The following WARS1 variants were observed in gnomAD, a reference collection of about 807,000 sequenced individuals.
The protein encoded by WARS1 is tryptophanyl-tRNA synthetase 1, also known as tryptophan--tRNA ligase, cytoplasmic.
A neutral mutation model predicts 47.8 loss-of-function variants in WARS1; 17 were observed. That is an observed-to-expected ratio of 0.36 (90% CI 0.24 to 0.53). WARS1 has a LOEUF of 0.53. WARS1 is among the 20% of genes least tolerant of loss of function. WARS1 has a pLI of 0.91. For missense variants in WARS1, 434 were observed against 608.0 expected (o/e 0.71, Z 3.01); for synonymous variants, 208 against 228.1 (o/e 0.91, Z 0.79).
At position 100,362,533 on chromosome 14, in the gene WARS1, G is replaced by GAA. The variant is rs112297906; in HGVS notation, c.100-614_100-613dup. ...TTTTGGAGTCTTATCAAACTATCTT[G>GAA]AAAAAAAAAAAACAAAGGTAAAATG... On this transcript the variant is annotated intron_variant, in intron 2 of 10. Coordinates refer to ENST00000392882, the MANE Select transcript of WARS1 (RefSeq NM_004184.4). Among the ~76,000 whole-genome samples the GAA allele has an allele frequency of 9.1e-3, 1,285 of 140,742 alleles. 19 individuals carry two copies. Among genetic ancestry groups the GAA allele is most frequent in the African/African-American group, 0.032 (1,222 of 38,686 alleles). 92.3% of individuals were successfully genotyped at this position (140,742 alleles called of 152,430 possible).
At chr14:100,365,894 G>A (rs950133473) in intron 2 of WARS1, 2 of 389,646 alleles carry the variant, frequency 5.1e-6, no homozygotes, top group African/African-American at 2.1e-5. Flanking sequence ...GAAGGTGACC[G>A]AGTGTACACT....
intron 2 of WARS1, among the ~76,000 whole-genome samples, chr14:100,364,078 G>T (rs1895810709): frequency 1.3e-5 from 2 of 152,174 alleles, no homozygotes; most frequent in African/African-American, 4.8e-5. Flanking sequence ...GTTGATTTGG[G>T]TGCTGGTTAC....
upstream of WARS1, chr14:100,376,237 C>A (rs1317453491): frequency 1.8e-5 from 8 of 432,928 alleles, no homozygotes; most frequent in Non-Finnish European, 2.9e-5. Flanking sequence ...TCACTCCGCC[C>A]CGGCCTTACT....
chr14:100,366,762 G>A, intron 2 of WARS1: 3 of 981,360 alleles, frequency 3.1e-6, no homozygotes, highest in South Asian at 2.5e-5. Context: ...GATCCGTGGG[G>A]CCACAATGAA....
intron 7 of WARS1, among the ~76,000 whole-genome samples, chr14:100,344,945 G>A (rs1288421435): frequency 6.6e-6 from 1 of 151,796 alleles, no homozygotes; most frequent in Admixed American, 6.6e-5. Flanking sequence ...CGTCCTGGAG[G>A]GAGGTGGGGG....
intron 1 of WARS1, among the ~76,000 whole-genome samples, chr14:100,372,631 T>C (rs536565936): frequency 1.0e-3 from 155 of 152,304 alleles, no homozygotes; most frequent in African/African-American, 3.4e-3. Flanking sequence ...AAGGTCTCTG[T>C]CCATATCAAA....
chr14:100,342,338 G>T, intron 9 of WARS1, 60 bp downstream of exon 9: 1 of 1,599,866 alleles, frequency 6.3e-7, no homozygotes, highest in Non-Finnish European at 8.6e-7. Context: ...GTGTGTGCGT[G>T]TGCCCCCCAG....
chr14:100,351,404 C>A (rs902915499), intron 6 of WARS1, among the ~76,000 whole-genome samples: 1 of 150,676 alleles, frequency 6.6e-6, no homozygotes, highest in Non-Finnish European at 1.5e-5. Flanking sequence ...GTAATCGCAG[C>A]ACTTTGGGAG....
At chr14:100,362,668 C>T (rs75407108) in intron 2 of WARS1, among the ~76,000 whole-genome samples, 27 of 152,314 alleles carry the variant, frequency 1.8e-4, no homozygotes, top group African/African-American at 6.5e-4. Flanking sequence ...GCTGATTAGT[C>T]ATGCTATGCC....
chr14:100,364,493 T>C (rs1360469450), intron 2 of WARS1, among the ~76,000 whole-genome samples: 1 of 152,244 alleles, frequency 6.6e-6, no homozygotes, highest in Non-Finnish European at 1.5e-5. Context: ...CACACTATTT[T>C]GCTAAAAGTT....
At chr14:100,345,760 C>T (rs537233267) in intron 7 of WARS1, among the ~76,000 whole-genome samples, 3 of 152,300 alleles carry the variant, frequency 2.0e-5, no homozygotes, top group South Asian at 4.1e-4. Flanking sequence ...TTATTACTGT[C>T]ATTAGTATTT....
In WARS1 at chr14:100,334,754, A is replaced by G; in HGVS notation, c.*121T>C. Reference sequence around the variant, plus strand: ...ATTGATAACATACACAGGCTTACAGAGGCCAGGCCCAGTAATTACCATGAG... The same window carrying G: ...ATTGATAACATACACAGGCTTACAGGGGCCAGGCCCAGTAATTACCATGAG... On this transcript the variant is annotated 3_prime_UTR_variant, in exon 11 of 11. Transcript: ENST00000392882. 1.7e-6 allele frequency: 2 copies of G among 1,160,864 alleles called. No individual in the cohort carries two copies. Among genetic ancestry groups the G allele is most frequent in the East Asian group, 2.4e-5 (1 of 42,138 alleles). 71.9% of individuals were successfully genotyped at this position (1,160,864 alleles called of 1,614,324 possible). A position where few individuals can be genotyped will look rare whatever the true frequency, so the allele number is the denominator to read the frequency against.
At chr14:100,368,043 C>T (rs570907706) in intron 2 of WARS1, among the ~76,000 whole-genome samples, 209 of 152,234 alleles carry the variant, frequency 1.4e-3, no homozygotes, top group Non-Finnish European at 2.5e-3. Flanking sequence ...TGAAGAAAGA[C>T]GCCAAGATGG....
rs941285835 is a variant in WARS1, at chr14:100,369,060, C to G, written c.99+27G>C. The G allele has an allele frequency of 6.7e-6, 10 of 1,486,196 alleles. No individual in the cohort carries two copies. In the Admixed American group the frequency reaches 1.8e-4, roughly 27 times the overall value. 92.1% of individuals were successfully genotyped at this position (1,486,196 alleles called of 1,614,324 possible). ...CAGACTTGGGAGGCTCAGCTGCCTT[C>G]GTGGAGAACCCAGCAAAATCATGTA... On this transcript the variant is annotated intron_variant, in intron 2 of 10. Coordinates refer to ENST00000392882, the MANE Select transcript of WARS1 (RefSeq NM_004184.4).
At chr14:100,344,230 G>A (rs1269806409) in intron 7 of WARS1, among the ~76,000 whole-genome samples, 6 of 152,220 alleles carry the variant, frequency 3.9e-5, no homozygotes, top group East Asian at 1.9e-4. Flanking sequence ...TTGCAGGCGC[G>A]CGCCGCCACG....
chr14:100,363,269 T>C (rs1249194742), intron 2 of WARS1, among the ~76,000 whole-genome samples: 1 of 152,034 alleles, frequency 6.6e-6, no homozygotes, highest in East Asian at 1.9e-4. Flanking sequence ...GTCAAACATT[T>C]AACCAATGTC....
chr14:100,359,472 G>A (rs1406603564), intron 4 of WARS1, among the ~76,000 whole-genome samples: 1 of 152,230 alleles, frequency 6.6e-6, no homozygotes, highest in Admixed American at 6.5e-5. Context: ...TCTAGATATA[G>A]AGAAAGCAGA....
rs772938654 is a variant in WARS1 at position 100,356,396 on chromosome 14, T to TCGG, written c.423-1831_423-1830insCCG. 5.4e-4 allele frequency among the ~76,000 whole-genome samples: 53 copies of TCGG among 98,888 alleles called. 1 individual carries two copies. The highest frequency in any genetic ancestry group is 1.0e-3 in the Non-Finnish European group (47 of 45,162). 64.9% of individuals were successfully genotyped at this position (98,888 alleles called of 152,430 possible). On this transcript the variant is annotated intron_variant, in intron 4 of 10. Transcript: ENST00000392882. ...CAAAGTGACTGGGTGTGTGTGTGTGTGTGGGGGGGGGTGTGGAATAAAAGA... is the reference window on the plus strand; with the variant it reads ...CAAAGTGACTGGGTGTGTGTGTGTGTCGGGTGGGGGGGGGTGTGGAATAAAAGA...
In WARS1 at chr14:100,342,488, T is replaced by C; in HGVS notation, c.1023A>G (p.Pro341=). ...KPALLHSTFF[P]ALQGAQTKMS... ...TTTTGGTCTGGGCGCCCTGCAGGGC[T>C]GGGAAGAAGGTGGAGTGCAGCAGGG... The change falls in exon 9 of 11, where the codon CCA becomes CCG. Residue 341 remains proline, a synonymous_variant. Transcript: ENST00000392882. 1.9e-6 allele frequency: 3 copies of C among 1,613,988 alleles called. No individual in the cohort carries two copies. The highest frequency in any genetic ancestry group is 1.1e-5 in the South Asian group (1 of 91,066).
Sources: allele counts gnomAD v4.1 joint callset (sites outside exome capture counted in the v4.1 genomes callset), GRCh38; gene constraint gnomAD v4.1.1; transcripts MANE v1.5; gene names NCBI Gene and HGNC (gene_info 2026-07-23, HGNC 2026-07-21).